LCTL: variants seen among roughly 807,000 people sequenced by gnomAD.
The protein encoded by LCTL is lactase like, also known as lactase-like protein.
A neutral mutation model predicts 75.8 loss-of-function variants in LCTL; 76 were observed. The observed-to-expected ratio is 1.00, with a 90% CI of 0.83 to 1.21. The LOEUF (loss-of-function observed/expected upper bound fraction) is 1.21. Among genes scored for constraint, LCTL ranks in the 50% most tolerant of loss-of-function variants. The probability of loss-of-function intolerance (pLI) is 0.00; values close to 1 mark genes in which losing one functional copy is unlikely to be tolerated. For synonymous variants in LCTL, 271 were observed against 268.8 expected, an observed-to-expected ratio of 1.01 and a Z score of -0.08; for missense variants, 670 against 712.4, an observed-to-expected ratio of 0.94 and a Z score of 0.68.
In LCTL at chr15:66,552,075, TATTGA is replaced by T; in HGVS notation, c.1287_1291del (p.Gln430ProfsTer2). On this transcript the variant is annotated frameshift_variant, in exon 10 of 13. Coordinates refer to ENST00000341509, the Ensembl canonical transcript of LCTL. LOFTEE classifies it high-confidence loss of function. Reference sequence around the variant, plus strand: ...CATTTCATTTATGTATCCTTTAAGGTATTGAATTCTCCACTCATCACATAATTGAG... The same window carrying T: ...CATTTCATTTATGTATCCTTTAAGGTATTCTCCACTCATCACATAATTGAG... 3 of 1,612,954 alleles carry T rather than the reference TATTGA, an allele frequency of 1.9e-6. No homozygotes were observed. The highest frequency in any genetic ancestry group is 2.5e-6 in the Non-Finnish European group (3 of 1,179,616).
At chr15:66,553,340 C>T in intron 8 of LCTL, 82 bp from the exon 10 acceptor site, 1 of 1,182,012 alleles carries the variant, frequency 8.5e-7, no homozygotes, top group Non-Finnish European at 1.2e-6. Context: ...ATAGTGACAT[C>T]TTGACATAAA....
Position 66,554,205 on chromosome 15 carries a change from C to T in LCTL, c.923-947G>A, listed in dbSNP as rs529090402. ...ACTTGGGAGGCTGAGGCAGGAGAGT[C>T]GCTTGAAGCCGGGAGGTGGAGGTTG... On this transcript the variant is annotated intron_variant, in intron 8 of 12. Transcript: ENST00000341509. Among the ~76,000 whole-genome samples the T allele has an allele frequency of 2.3e-4, 34 of 150,444 alleles. No individual in the cohort carries two copies. In the South Asian group the frequency reaches 3.2e-3, roughly 14 times the overall value.
exon 9 of LCTL, chr15:66,553,100 T>C: frequency 1.2e-6 from 2 of 1,611,352 alleles, no homozygotes; most frequent in Non-Finnish European, 1.7e-6. Flanking sequence ...TTCTGGTAGC[T>C]GGGCCCCTGG....
In LCTL at chr15:66,552,964, T is replaced by C; in HGVS notation, c.1197+20A>G. 1 of 1,431,510 alleles carries C rather than the reference T, an allele frequency of 7.0e-7. No homozygotes were observed. Among genetic ancestry groups the C allele is most frequent in the Non-Finnish European group, 9.2e-7 (1 of 1,089,138 alleles). 88.7% of individuals were successfully genotyped at this position (1,431,510 alleles called of 1,614,324 possible). A position where few individuals can be genotyped will look rare whatever the true frequency, so the allele number is the denominator to read the frequency against. ...AATTCAAGTCTAAATGTCCTTTGAATAGCTGAATGTGATAATCACCTGAGC... is the reference window on the plus strand; with the variant it reads ...AATTCAAGTCTAAATGTCCTTTGAACAGCTGAATGTGATAATCACCTGAGC... On this transcript the variant is annotated intron_variant, in intron 9 of 12. Transcript: ENST00000341509.
At position 66,550,248 on chromosome 15, in the gene LCTL, A is replaced by G. The variant is rs1355293072; in HGVS notation, c.1525-144T>C. On this transcript the variant is annotated intron_variant, in intron 11 of 12. Transcript: ENST00000341509. Reference sequence around the variant, plus strand: ...ATGTTTTTAAATCATTTTGTAGTTTAAATTAGTTAATATTTACTGTACATC... The same window carrying G: ...ATGTTTTTAAATCATTTTGTAGTTTGAATTAGTTAATATTTACTGTACATC... 5 of 588,602 alleles carry G rather than the reference A, an allele frequency of 8.5e-6. No individual in the cohort carries two copies. In the African/African-American group the frequency reaches 9.5e-5, roughly 11 times the overall value. 36.5% of individuals were successfully genotyped at this position (588,602 alleles called of 1,614,324 possible).
chr15:66,565,326 G>C lies in LCTL; in HGVS notation c.40C>G (p.Leu14Val), dbSNP rs929098657. Residue 14 changes from leucine to valine, a missense_variant, in exon 1 of 13, where the codon CTG becomes GTG. Transcript: ENST00000341509. ...GCGGCCCCCAGCCTGGGCACCAGCAGTAGCATCCACAGAAGGGTGGCGACC... is the reference window on the plus strand; with the variant it reads ...GCGGCCCCCAGCCTGGGCACCAGCACTAGCATCCACAGAAGGGTGGCGACC... 3.7e-6 allele frequency: 6 copies of C among 1,613,728 alleles called. No individual in the cohort carries two copies. The highest frequency in any genetic ancestry group is 5.1e-6 in the Non-Finnish European group (6 of 1,179,822).
Position 66,564,825 on chromosome 15 carries a change from C to T in LCTL, c.133G>A (p.Val45Met), listed in dbSNP as rs369455131. Residue 45 changes from valine (V) to methionine (M), a missense_variant, in exon 2 of 13, where the codon GTG becomes ATG. Transcript: ENST00000341509. ...TCCGTCTGGTAGGCAGAACTGCCCACGCCCCAGGAGAAGCCTGCAGGGGGA... is the reference window on the plus strand; with the variant it reads ...TCCGTCTGGTAGGCAGAACTGCCCATGCCCCAGGAGAAGCCTGCAGGGGGA... 54 of 1,612,068 alleles carry T rather than the reference C, an allele frequency of 3.3e-5. No individual in the cohort carries two copies. The highest frequency in any genetic ancestry group is 1.8e-4 in the East Asian group (8 of 44,852).
At chr15:66,554,587 A>G (rs1451557451) in intron 8 of LCTL, among the ~76,000 whole-genome samples, 1 of 152,230 alleles carries the variant, frequency 6.6e-6, no homozygotes, top group African/African-American at 2.4e-5. Context: ...TTCATTGACC[A>G]ATTCCAAATC....
At chr15:66,565,295 T>G in exon 1 of LCTL, 6 of 1,613,752 alleles carry the variant, frequency 3.7e-6, no homozygotes, top group Non-Finnish European at 5.1e-6. Flanking sequence ...TGGGGACCCC[T>G]TCCGGGCGGC....
exon 9 of LCTL, chr15:66,553,251 C>G: frequency 6.4e-7 from 1 of 1,551,038 alleles, no homozygotes; most frequent in Non-Finnish European, 8.7e-7. Flanking sequence ...GCTCTGCACT[C>G]TTTCTTCCTT....
exon 5 of LCTL, chr15:66,561,247 G>C: frequency 6.2e-7 from 1 of 1,614,240 alleles, no homozygotes; most frequent in Non-Finnish European, 8.5e-7. Flanking sequence ...CAAAGCACAG[G>C]TTGGCGTAGT....
At chr15:66,557,432 G>T (rs1007288133) in intron 8 of LCTL, among the ~76,000 whole-genome samples, 1 of 151,998 alleles carries the variant, frequency 6.6e-6, no homozygotes, top group Non-Finnish European at 1.5e-5. Context: ...CAGTTAAAGT[G>T]GGGTGGAGGA....
chr15:66,557,381 A>G (rs112513519), intron 8 of LCTL, among the ~76,000 whole-genome samples: 2 of 152,290 alleles, frequency 1.3e-5, no homozygotes, highest in African/African-American at 4.8e-5. Flanking sequence ...TAGAAGTGAC[A>G]CAGGCCCATG....
chr15:66,560,698 C>A (rs935752477), intron 6 of LCTL, among the ~76,000 whole-genome samples: 2 of 152,180 alleles, frequency 1.3e-5, no homozygotes, highest in Middle Eastern at 3.2e-3. Flanking sequence ...AAGATTTTAA[C>A]CCCTGGCTCG....
At chr15:66,562,750 A>C (rs1895923706) in intron 4 of LCTL, among the ~76,000 whole-genome samples, 4 of 151,884 alleles carry the variant, frequency 2.6e-5, no homozygotes, top group Admixed American at 2.6e-4. Flanking sequence ...CGTCTGGCTA[A>C]GTTTTGTATT....
exon 5 of LCTL, chr15:66,561,252 C>T (rs1320255906): frequency 2.5e-6 from 4 of 1,614,184 alleles, no homozygotes; most frequent in African/African-American, 1.3e-5. Flanking sequence ...CACAGGTTGG[C>T]GTAGTCTCTG....
At chr15:66,562,513 T>C (rs1207607718) in intron 4 of LCTL, among the ~76,000 whole-genome samples, 1 of 151,984 alleles carries the variant, frequency 6.6e-6, no homozygotes, top group South Asian at 2.1e-4. Context: ...GGGTCATATA[T>C]GAGTGCTTGT....
At chr15:66,554,287 T>A in intron 8 of LCTL, among the ~76,000 whole-genome samples, 1 of 77,696 alleles carries the variant, frequency 1.3e-5, no homozygotes, top group Non-Finnish European at 2.3e-5. Context: ...CAAGACTGTC[T>A]CAAAAAAAAA....
chr15:66,549,500 A>G (rs1895514501), intron 12 of LCTL: 1 of 152,204 alleles, frequency 6.6e-6, no homozygotes, highest in Non-Finnish European at 1.5e-5. Flanking sequence ...ATGTGTTGGC[A>G]TTTCTTGATG....
Sources: allele counts gnomAD v4.1 joint callset (sites outside exome capture counted in the v4.1 genomes callset), GRCh38; gene constraint gnomAD v4.1.1; transcripts MANE v1.5; gene names NCBI Gene and HGNC (gene_info 2026-07-23, HGNC 2026-07-21).